The following OPCML variants were observed in gnomAD, a reference collection of about 807,000 sequenced individuals.
The protein encoded by OPCML is opioid binding protein/cell adhesion molecule like, also known as opioid-binding protein/cell adhesion molecule.
In OPCML, 13 loss-of-function variants were observed where a neutral mutation model predicts 37.8. The ratio of observed to expected loss-of-function variants is 0.34; its 90% CI spans 0.22 to 0.55. OPCML has a LOEUF of 0.55. Ranked by LOEUF, OPCML falls within the 20% of genes least tolerant of loss-of-function variation. OPCML has a pLI of 0.91. For missense variants in OPCML, 341 were observed against 435.6 expected (o/e 0.78, Z 1.93); for synonymous variants, 176 against 168.8 (o/e 1.04, Z -0.33).
chr11:132,955,978 G>A (rs1453655604), intron 1 of OPCML, among the ~76,000 whole-genome samples: 1 of 152,060 alleles, frequency 6.6e-6, no homozygotes, highest in East Asian at 1.9e-4. Context: ...GCATATAGTA[G>A]GTTTCCAATC....
chr11:132,793,858 A>G (rs1050953819), intron 2 of OPCML, among the ~76,000 whole-genome samples: 15 of 152,068 alleles, frequency 9.9e-5, no homozygotes, highest in Non-Finnish European at 5.9e-5. Context: ...GATTTCACCC[A>G]TCACACTCTA....
At chr11:132,833,923 A>G (rs10750515) in intron 2 of OPCML, among the ~76,000 whole-genome samples, 32,010 of 152,250 alleles carry the variant, frequency 0.21, 4,155 homozygotes, top group Non-Finnish European at 0.31. Flanking sequence ...GAAGTATGCA[A>G]TAGCAAAAAC....
In OPCML at chr11:132,746,292, TTTTG is replaced by T. The variant is rs59637312; in HGVS notation, c.147-88977_147-88974del. ...AGACCTCTGGTTATTTTTGTTTTTA[TTTTG>T]TTTGTTTGTTTGTTGTTTGTTTTAA... On this transcript the variant is annotated intron_variant, in intron 2 of 7. Coordinates refer to ENST00000524381, the MANE Select transcript of OPCML (RefSeq NM_001012393.5). Among the ~76,000 whole-genome samples the T allele has an allele frequency of 2.1e-4, 32 of 152,176 alleles. No individual in the cohort carries two copies. In the South Asian group the frequency reaches 2.5e-3, roughly 12 times the overall value.
intron 3 of OPCML, among the ~76,000 whole-genome samples, chr11:132,613,845 G>T (rs1016880175): frequency 6.6e-6 from 1 of 152,062 alleles, no homozygotes; most frequent in African/African-American, 2.4e-5. Flanking sequence ...TTATATGTGG[G>T]TATGCTTGCA....
At chr11:133,276,517 T>C (rs1190344285) in intron 1 of OPCML, among the ~76,000 whole-genome samples, 1 of 152,206 alleles carries the variant, frequency 6.6e-6, no homozygotes, top group East Asian at 1.9e-4. Context: ...TGGAGCATAC[T>C]TGTTAATAAA....
chr11:133,443,320 T>A (rs1247938161), intron 1 of OPCML, among the ~76,000 whole-genome samples: 2 of 152,210 alleles, frequency 1.3e-5, no homozygotes, highest in Admixed American at 6.5e-5. Context: ...TTTTTATGTA[T>A]CATGCCAAGT....
At chr11:133,463,119 C>CAAAAAAAA (rs558107695) in intron 1 of OPCML, among the ~76,000 whole-genome samples, 1 of 49,848 alleles carries the variant, frequency 2.0e-5, no homozygotes, top group Non-Finnish European at 4.8e-5. Context: ...ACATCAGGCT[C>CAAAAAAAA]AAAAAAAAAA....
At chr11:133,427,688 G>C (rs550093976) in intron 1 of OPCML, among the ~76,000 whole-genome samples, 3 of 151,700 alleles carry the variant, frequency 2.0e-5, no homozygotes, top group Non-Finnish European at 4.4e-5. Context: ...AATAGAAATA[G>C]GCAATTTATT....
intron 1 of OPCML, among the ~76,000 whole-genome samples, chr11:133,045,902 A>G (rs373166105): frequency 1.3e-5 from 2 of 152,266 alleles, no homozygotes; most frequent in Non-Finnish European, 2.9e-5. Flanking sequence ...CCTGCTTCCA[A>G]TGGCTGCCTG....
At chr11:132,565,668 A>G (rs1403412590) in intron 3 of OPCML, among the ~76,000 whole-genome samples, 1 of 152,200 alleles carries the variant, frequency 6.6e-6, no homozygotes, top group Non-Finnish European at 1.5e-5. Context: ...CTATAGATAT[A>G]TAGAAAACCA....
At chr11:133,399,389 T>C (rs1165656497) in intron 1 of OPCML, among the ~76,000 whole-genome samples, 1 of 152,128 alleles carries the variant, frequency 6.6e-6, no homozygotes, top group Non-Finnish European at 1.5e-5. Context: ...GTGAACTTAA[T>C]CACTGGATGG....
intron 1 of OPCML, among the ~76,000 whole-genome samples, chr11:133,335,762 T>C (rs1163332888): frequency 1.3e-5 from 2 of 152,014 alleles, no homozygotes; most frequent in East Asian, 3.9e-4. Flanking sequence ...CCCAGCTGTA[T>C]GGATTAAGAG....
intron 4 of OPCML, among the ~76,000 whole-genome samples, chr11:132,520,404 T>G (rs1371043557): frequency 6.6e-6 from 1 of 152,174 alleles, no homozygotes; most frequent in Non-Finnish European, 1.5e-5. Flanking sequence ...AAATTATTCT[T>G]TCTCTGACCT....
intron 1 of OPCML, among the ~76,000 whole-genome samples, chr11:133,222,817 C>G (rs1178298476): frequency 2.0e-5 from 3 of 151,560 alleles, no homozygotes; most frequent in African/African-American, 7.3e-5. Flanking sequence ...CAAAGGGGGG[C>G]CGAGCCGGGG....
intron 2 of OPCML, among the ~76,000 whole-genome samples, chr11:132,883,881 A>C (rs1221659454): frequency 2.2e-4 from 34 of 152,182 alleles, no homozygotes; most frequent in Non-Finnish European, 4.6e-4. Context: ...GATCTACTGC[A>C]CTTCAGTTTC....
chr11:133,117,784 G>T (rs951924795), intron 1 of OPCML: 2 of 981,770 alleles, frequency 2.0e-6, no homozygotes, highest in African/African-American at 3.5e-5. Flanking sequence ...GCAAGAGAAA[G>T]TGCTTAGATC....
intron 1 of OPCML, among the ~76,000 whole-genome samples, chr11:133,343,826 A>G (rs964933811): frequency 1.3e-5 from 2 of 152,186 alleles, no homozygotes; most frequent in Non-Finnish European, 2.9e-5. Context: ...CATCTTCCCA[A>G]AATAGCCTAA....
intron 2 of OPCML, among the ~76,000 whole-genome samples, chr11:132,915,805 A>G (rs1036529521): frequency 4.3e-4 from 65 of 152,132 alleles, no homozygotes; most frequent in African/African-American, 1.5e-3. Context: ...TCTACTTTCT[A>G]TTGAGTAATT....
At chr11:133,320,227 T>G (rs779452503) in intron 1 of OPCML, among the ~76,000 whole-genome samples, 1 of 152,254 alleles carries the variant, frequency 6.6e-6, no homozygotes, top group Non-Finnish European at 1.5e-5. Flanking sequence ...ATTGAATGAA[T>G]AGACAATCTG....
Sources: allele counts gnomAD v4.1 joint callset (sites outside exome capture counted in the v4.1 genomes callset), GRCh38; gene constraint gnomAD v4.1.1; transcripts MANE v1.5; gene names NCBI Gene and HGNC (gene_info 2026-07-23, HGNC 2026-07-21).